Variants in DEXI observed in about 807,000 individuals in gnomAD.
DEXI encodes the protein Dexi homolog.
In DEXI, 2 loss-of-function variants were observed where a neutral mutation model predicts 2.5. That is an observed-to-expected ratio of 0.81 (90% confidence interval 0.33 to 2.55). The LOEUF is 2.55. DEXI is among the 30% of genes most tolerant of loss of function. DEXI has a pLI of 0.11. For missense variants in DEXI, 108 were observed against 130.3 expected (o/e 0.83, Z 0.83); for synonymous variants, 71 against 68.7 (o/e 1.03, Z -0.17).
Position 10,937,653 on chromosome 16 carries a change from C to T in DEXI, c.*149+3916G>A, listed in dbSNP as rs2041047514. 6.6e-6 allele frequency: 1 copy of T among 152,250 alleles called. No individual in the cohort carries two copies. Among genetic ancestry groups the T allele is most frequent in the South Asian group, 2.1e-4 (1 of 4,828 alleles). 9.4% of individuals were successfully genotyped at this position (152,250 alleles called of 1,614,324 possible). A position where few individuals can be genotyped will look rare whatever the true frequency, so the allele number is the denominator to read the frequency against. ...GGCTGGCAGGTACCAGCAGCTTTCA[C>T]TTTCATTAGGAACCGGGACGAATAA... is the stretch of plus-strand genomic sequence containing the variant. On this transcript the variant is annotated intron_variant, in intron 1 of 1. Coordinates refer to ENST00000331808, the MANE Select transcript of DEXI (RefSeq NM_014015.4). The surrounding 1 kb of genome is among the most constrained non-coding windows in gnomAD (Gnocchi z 4.2).
Position 10,929,565 on chromosome 16 carries a change from A to G in DEXI, c.*150-6T>C, listed in dbSNP as rs2040687553. ...AGCTTTTGAGGGGAGCAGGTCTAAC[A>G]AGAAGGAAAAAGGGGGGTTATTAGC... On this transcript the variant is annotated splice_region_variant and splice_polypyrimidine_tract_variant and intron_variant, in intron 1 of 1. Coordinates refer to ENST00000331808, the MANE Select transcript of DEXI (RefSeq NM_014015.4). This position sits in a 1 kb window ranked among gnomAD's most constrained non-coding sequence, Gnocchi z 4.3. The G allele has an allele frequency of 9.1e-6, 9 of 985,250 alleles. No individual in the cohort carries two copies. Among genetic ancestry groups the G allele is most frequent in the Admixed American group, 6.2e-5 (1 of 16,254 alleles). The allele number at this position is 985,250 out of a possible 1,614,324, so 61.0% of individuals were successfully genotyped here. A position where few individuals can be genotyped will look rare whatever the true frequency, so the allele number is the denominator to read the frequency against.
In DEXI at chr16:10,937,844, A is replaced by C. The variant is rs1189543054; in HGVS notation, c.*149+3725T>G. ...CTCTAGGAAAACCACAGAGCCGGCT[A>C]TCCAGGGTTCTGGTGCCCTGGGGAC... is the stretch of plus-strand genomic sequence containing the variant. On this transcript the variant is annotated intron_variant, in intron 1 of 1. Transcript: ENST00000331808. This position sits in a 1 kb window ranked among gnomAD's most constrained non-coding sequence, Gnocchi z 4.2. The C allele has an allele frequency of 6.6e-6, 1 of 152,220 alleles. No individual in the cohort carries two copies. The highest frequency in any genetic ancestry group is 1.5e-5 in the Non-Finnish European group (1 of 68,050). The allele number at this position is 152,220 out of a possible 1,614,324, so 9.4% of individuals were successfully genotyped here.
chr16:10,936,211 G>T (rs1315302974), intron 1 of DEXI: 1 of 151,974 alleles, frequency 6.6e-6, no homozygotes. Flanking sequence ...GCCCAGGCTG[G>T]TTTCAAACTC....
chr16:10,932,320 C>G (rs1251931846), intron 1 of DEXI: 1 of 152,260 alleles, frequency 6.6e-6, no homozygotes, highest in Non-Finnish European at 1.5e-5. Flanking sequence ...TCACCTTGTA[C>G]TACTCGAACT....
In DEXI at chr16:10,937,021, G is replaced by A. The variant is rs1375813490; in HGVS notation, c.*149+4548C>T. The A allele has an allele frequency of 6.6e-6, 1 of 152,226 alleles. No homozygotes were observed. The highest frequency in any genetic ancestry group is 2.4e-5 in the African/African-American group (1 of 41,458). 9.4% of individuals were successfully genotyped at this position (152,226 alleles called of 1,614,324 possible). On this transcript the variant is annotated intron_variant, in intron 1 of 1. Coordinates refer to ENST00000331808, the MANE Select transcript of DEXI (RefSeq NM_014015.4). This position sits in a 1 kb window ranked among gnomAD's most constrained non-coding sequence, Gnocchi z 4.2. ...GCTGTAAGTGGGGCAGACCCTGCCT[G>A]TTTCTTGGCTGAAATCTCCAGTTTG...
Position 10,929,116 on chromosome 16 carries a change from A to G in DEXI, c.*593T>C. 1.3e-6 allele frequency: 1 copy of G among 742,690 alleles called. No individual in the cohort carries two copies. Among genetic ancestry groups the G allele is most frequent in the Non-Finnish European group, 1.6e-6 (1 of 608,434 alleles). 46.0% of individuals were successfully genotyped at this position (742,690 alleles called of 1,614,324 possible). ...AGAATCCCACCCTCAGCCCCCCAAC[A>G]GCTTCCTCAGCTTCTTTTTCTTCTG... On this transcript the variant is annotated 3_prime_UTR_variant, in exon 2 of 2. Transcript: ENST00000331808. The surrounding 1 kb of genome is among the most constrained non-coding windows in gnomAD (Gnocchi z 4.3).
intron 1 of DEXI, chr16:10,931,205 G>A (rs1489862862): frequency 2.0e-5 from 3 of 152,136 alleles, no homozygotes; most frequent in African/African-American, 7.2e-5. Flanking sequence ...TCAGCTACTT[G>A]GAAGGCTGAG....
intron 1 of DEXI, chr16:10,935,006 GAC>G (rs1433662262): frequency 1.3e-5 from 2 of 152,300 alleles, no homozygotes; most frequent in African/African-American, 4.8e-5. Flanking sequence ...ACACGCCATT[GAC>G]ACTGACCACG....
intron 1 of DEXI, chr16:10,930,368 C>T (rs1310417269): frequency 2.0e-5 from 3 of 152,216 alleles, no homozygotes; most frequent in Admixed American, 2.0e-4. Context: ...GTTCTGGGCA[C>T]TGAGCATTTA....
rs1280787256 is a variant in DEXI, at chr16:10,929,220, A to T, written c.*489T>A. ...CTGGCCTGAAGGCTCAACTCACATC[A>T]AACGGAGCTGGGAGTCGCTTTTGCG... is the stretch of plus-strand genomic sequence containing the variant. On this transcript the variant is annotated 3_prime_UTR_variant, in exon 2 of 2. Coordinates refer to ENST00000331808, the MANE Select transcript of DEXI (RefSeq NM_014015.4). The surrounding 1 kb of genome is among the most constrained non-coding windows in gnomAD (Gnocchi z 4.3). 1 of 985,712 alleles carries T rather than the reference A, an allele frequency of 1.0e-6. No homozygotes were observed. The highest frequency in any genetic ancestry group is 1.2e-6 in the Non-Finnish European group (1 of 829,940). 61.1% of individuals were successfully genotyped at this position (985,712 alleles called of 1,614,324 possible).
At chr16:10,930,894 C>A (rs961984704) in intron 1 of DEXI, 1 of 152,328 alleles carries the variant, frequency 6.6e-6, no homozygotes, top group African/African-American at 2.4e-5. Flanking sequence ...CAGCCTGCTC[C>A]TGAGACACCT....
In DEXI at chr16:10,934,535, T is replaced by A. The variant is rs2040943007; in HGVS notation, c.*150-4976A>T. ...GGACGCCTCCAGCAGACCACCTCACTGGGGGAAACATCAGGACAGCGTGGC... is the reference window on the plus strand; with the variant it reads ...GGACGCCTCCAGCAGACCACCTCACAGGGGGAAACATCAGGACAGCGTGGC... On this transcript the variant is annotated intron_variant, in intron 1 of 1. Coordinates refer to ENST00000331808, the MANE Select transcript of DEXI (RefSeq NM_014015.4). This position sits in a 1 kb window ranked among gnomAD's most constrained non-coding sequence, Gnocchi z 4.2. 1 of 152,192 alleles carries A rather than the reference T, an allele frequency of 6.6e-6. No homozygotes were observed. The highest frequency in any genetic ancestry group is 6.5e-5 in the Admixed American group (1 of 15,268). The allele number at this position is 152,192 out of a possible 1,614,324, so 9.4% of individuals were successfully genotyped here. A position where few individuals can be genotyped will look rare whatever the true frequency, so the allele number is the denominator to read the frequency against.
Position 10,941,681 on chromosome 16 carries a change from G to A in DEXI, c.*37C>T, listed in dbSNP as rs373347012. 5 of 1,568,634 alleles carry A rather than the reference G, an allele frequency of 3.2e-6. No homozygotes were observed. The highest frequency in any genetic ancestry group is 1.4e-5 in the African/African-American group (1 of 74,034). ...GCGGCTGGTCCAGGGCATGGGTTGC[G>A]GATCGTGTAGGGAAGAGGGGAACAG... On this transcript the variant is annotated 3_prime_UTR_variant, in exon 1 of 2. Coordinates refer to ENST00000331808, the MANE Select transcript of DEXI (RefSeq NM_014015.4). The surrounding 1 kb of genome is among the most constrained non-coding windows in gnomAD (Gnocchi z 6.4).
rs769447660 is a variant in DEXI at position 10,941,969 on chromosome 16, G to C, written c.37C>G (p.Leu13Val). ...GARVAAHLDA[L>V]GPLVPYVPPP... ...GGCACGTAGGGGACCAGGGGGCCCA[G>C]TGCGTCCAGGTGGGCCGCGACCCGG... Residue 13 changes from leucine (L) to valine (V), a missense_variant, in exon 1 of 2, where the codon CTG becomes GTG. Coordinates refer to ENST00000331808, the MANE Select transcript of DEXI (RefSeq NM_014015.4). The surrounding 1 kb of genome is among the most constrained non-coding windows in gnomAD (Gnocchi z 6.4). The C allele has an allele frequency of 8.4e-5, 129 of 1,529,432 alleles. No individual in the cohort carries two copies. Among genetic ancestry groups the C allele is most frequent in the Non-Finnish European group, 9.5e-5 (108 of 1,139,106 alleles). The allele number at this position is 1,529,432 out of a possible 1,614,324, so 94.7% of individuals were successfully genotyped here.
Position 10,939,956 on chromosome 16 carries a change from G to A in DEXI, c.*149+1613C>T, listed in dbSNP as rs914696157. On this transcript the variant is annotated intron_variant, in intron 1 of 1. Coordinates refer to ENST00000331808, the MANE Select transcript of DEXI (RefSeq NM_014015.4). This position sits in a 1 kb window ranked among gnomAD's most constrained non-coding sequence, Gnocchi z 4.9. ...ACAAGCATTCATTCTGTAAAAGAACGGACGGATGGATGGCAGGCAGGCAGG... is the reference window on the plus strand; with the variant it reads ...ACAAGCATTCATTCTGTAAAAGAACAGACGGATGGATGGCAGGCAGGCAGG... 7.2e-5 allele frequency: 11 copies of A among 152,420 alleles called. No homozygotes were observed. Among genetic ancestry groups the A allele is most frequent in the African/African-American group, 2.2e-4 (9 of 41,460 alleles). 9.4% of individuals were successfully genotyped at this position (152,420 alleles called of 1,614,324 possible).
rs3087519 is a variant in DEXI at position 10,929,351 on chromosome 16, T to C, written c.*358A>G. 500,728 of 985,642 alleles carry C rather than the reference T, an allele frequency of 0.51. 130,543 individuals carry two copies. Among genetic ancestry groups the C allele is most frequent in the East Asian group, 0.58 (5,126 of 8,804 alleles). 61.1% of individuals were successfully genotyped at this position (985,642 alleles called of 1,614,324 possible). ...AACTCTGGCTGGGTTCCTGTAAACATCCATCGCAGCTGCAAATAATCAGAA... is the reference window on the plus strand; with the variant it reads ...AACTCTGGCTGGGTTCCTGTAAACACCCATCGCAGCTGCAAATAATCAGAA... On this transcript the variant is annotated 3_prime_UTR_variant, in exon 2 of 2. Coordinates refer to ENST00000331808, the MANE Select transcript of DEXI (RefSeq NM_014015.4). This position sits in a 1 kb window ranked among gnomAD's most constrained non-coding sequence, Gnocchi z 4.3.
chr16:10,930,329 G>A (rs1765566157), intron 1 of DEXI: 2 of 152,352 alleles, frequency 1.3e-5, no homozygotes, highest in South Asian at 2.1e-4. Flanking sequence ...GACATTTGGG[G>A]TAGGACAATT....
chr16:10,941,484 G>A lies in DEXI; in HGVS notation c.*149+85C>T. 4 of 1,288,614 alleles carry A rather than the reference G, an allele frequency of 3.1e-6. No individual in the cohort carries two copies. Among genetic ancestry groups the A allele is most frequent in the Non-Finnish European group, 4.0e-6 (4 of 995,410 alleles). 79.8% of individuals were successfully genotyped at this position (1,288,614 alleles called of 1,614,324 possible). On this transcript the variant is annotated intron_variant, in intron 1 of 1. Transcript: ENST00000331808. The surrounding 1 kb of genome is among the most constrained non-coding windows in gnomAD (Gnocchi z 6.4). ...GTGAACGGAGGAGAAGCCTGAGGGA[G>A]GGGTGTGTATCCGGCCTGGGAATTC...
At position 10,940,592 on chromosome 16, in the gene DEXI, C is replaced by T. The variant is rs1218933199; in HGVS notation, c.*149+977G>A. The T allele has an allele frequency of 6.6e-6, 1 of 152,464 alleles. No homozygotes were observed. Among genetic ancestry groups the T allele is most frequent in the Non-Finnish European group, 1.5e-5 (1 of 68,218 alleles). 9.4% of individuals were successfully genotyped at this position (152,464 alleles called of 1,614,324 possible). A position where few individuals can be genotyped will look rare whatever the true frequency, so the allele number is the denominator to read the frequency against. On this transcript the variant is annotated intron_variant, in intron 1 of 1. Coordinates refer to ENST00000331808, the MANE Select transcript of DEXI (RefSeq NM_014015.4). This position sits in a 1 kb window ranked among gnomAD's most constrained non-coding sequence, Gnocchi z 4.2. ...GCTGAGCCAAGGCGTTCCTGCCTGC[C>T]CTGTGACCCTCACCAGACCTGGCAG...
Sources: allele counts gnomAD v4.1 joint callset, GRCh38; gene constraint gnomAD v4.1.1; non-coding constraint Gnocchi (gnomAD v3.1); transcripts MANE v1.5; gene names NCBI Gene and HGNC (gene_info 2026-07-23, HGNC 2026-07-21).